The following CNTNAP2 variants were observed in gnomAD, a reference collection of about 807,000 sequenced individuals.
CNTNAP2 encodes contactin associated protein 2.
CNTNAP2 carries 98 observed loss-of-function variants against 155.2 expected under a neutral mutation model. That is an observed-to-expected ratio of 0.63 (90% CI 0.54 to 0.75). The LOEUF (loss-of-function observed/expected upper bound fraction) is 0.75. CNTNAP2 is among the 30% of genes least tolerant of loss of function. The pLI, the probability that CNTNAP2 is intolerant of heterozygous loss-of-function variation, is 0.00. For missense variants in CNTNAP2, 1,727 were observed against 1,688.1 expected, an observed-to-expected ratio of 1.02 and a Z score of -0.40; for synonymous variants, 651 against 631.2, an observed-to-expected ratio of 1.03 and a Z score of -0.47.
intron 9 of CNTNAP2, among the ~76,000 whole-genome samples, chr7:147,359,361 G>T (rs546192684): frequency 7.9e-5 from 12 of 152,112 alleles, no homozygotes; most frequent in Admixed American, 1.3e-4. Flanking sequence ...CGCTTTACTG[G>T]CTTATCACAG....
At chr7:146,426,404 T>C (rs200789041) in intron 1 of CNTNAP2, among the ~76,000 whole-genome samples, 40,961 of 136,964 alleles carry the variant, frequency 0.3, 5,960 homozygotes, top group Admixed American at 0.43. Context: ...TATATATATA[T>C]ATATACACAC....
intron 9 of CNTNAP2, among the ~76,000 whole-genome samples, chr7:147,393,773 C>G (rs780387753): frequency 3.3e-5 from 5 of 151,624 alleles, no homozygotes; most frequent in African/African-American, 4.8e-5. Context: ...TAGAGCCTTA[C>G]ATGGATTTTT....
chr7:148,176,410 G>T (rs1454300801), intron 18 of CNTNAP2, among the ~76,000 whole-genome samples: 2 of 151,480 alleles, frequency 1.3e-5, no homozygotes, highest in African/African-American at 4.8e-5. Context: ...TAGTACAGAC[G>T]GTTTCAACAT....
Position 148,267,023 on chromosome 7 carries a change from C to A in CNTNAP2, c.3382-10C>A. 1.2e-6 allele frequency: 2 copies of A among 1,613,520 alleles called. No homozygotes were observed. The highest frequency in any genetic ancestry group is 1.7e-6 in the Non-Finnish European group (2 of 1,179,458). Reference sequence around the variant, plus strand: ...TGCTTCTAAAAGTGTCTCTTGTTTTCCTCCTGCAGCTCGATCATTATCCTT... The same window carrying A: ...TGCTTCTAAAAGTGTCTCTTGTTTTACTCCTGCAGCTCGATCATTATCCTT... On this transcript the variant is annotated splice_polypyrimidine_tract_variant and intron_variant, in intron 20 of 23. Transcript: ENST00000361727.
intron 9 of CNTNAP2, among the ~76,000 whole-genome samples, chr7:147,375,748 A>G (rs1213110291): frequency 1.3e-5 from 2 of 152,064 alleles, no homozygotes; most frequent in African/African-American, 4.8e-5. Context: ...ATTATCTTTA[A>G]AAACTTCATT....
intron 5 of CNTNAP2, among the ~76,000 whole-genome samples, chr7:147,118,220 A>C (rs778202021): frequency 6.6e-6 from 1 of 152,162 alleles, no homozygotes; most frequent in Non-Finnish European, 1.5e-5. Flanking sequence ...CAAGTCAGAA[A>C]ATACTTTCAG....
chr7:146,877,846 T>C (rs1459348314), intron 3 of CNTNAP2, among the ~76,000 whole-genome samples: 3 of 152,090 alleles, frequency 2.0e-5, no homozygotes, highest in African/African-American at 7.2e-5. Flanking sequence ...CCGACCATGA[T>C]GACAAGTGAA....
At chr7:147,456,386 G>A (rs1265494078) in intron 10 of CNTNAP2, among the ~76,000 whole-genome samples, 2 of 152,156 alleles carry the variant, frequency 1.3e-5, no homozygotes, top group Non-Finnish European at 2.9e-5. Flanking sequence ...GAGAATTTAA[G>A]AAGATGGCAA....
At chr7:146,518,839 T>C (rs1797576806) in intron 1 of CNTNAP2, among the ~76,000 whole-genome samples, 1 of 151,878 alleles carries the variant, frequency 6.6e-6, no homozygotes, top group African/African-American at 2.4e-5. Context: ...TGCACAATTC[T>C]TGTTTATAAT....
At chr7:148,026,285 C>CA (rs908379084) in intron 15 of CNTNAP2, among the ~76,000 whole-genome samples, 50 of 151,398 alleles carry the variant, frequency 3.3e-4, no homozygotes, top group South Asian at 8.4e-4. Flanking sequence ...CTCGTCTCTA[C>CA]AAAAAAAAAA....
At chr7:147,734,761 A>G (rs1162176151) in intron 13 of CNTNAP2, among the ~76,000 whole-genome samples, 2 of 152,202 alleles carry the variant, frequency 1.3e-5, no homozygotes, top group Non-Finnish European at 2.9e-5. Flanking sequence ...GTATGTGTCC[A>G]GGAATTTATC....
chr7:146,214,931 TC>T lies in CNTNAP2; in HGVS notation c.97+97961del, dbSNP rs1015316572. ...TGCTTTTATGCACTGTCCCCTTACC[TC>T]CCTCGGCCCCCTGCTTTGCCAATCC... On this transcript the variant is annotated intron_variant, in intron 1 of 23. Transcript: ENST00000361727. Among the ~76,000 whole-genome samples the T allele has an allele frequency of 9.1e-4, 138 of 152,252 alleles. No individual in the cohort carries two copies. In the Middle Eastern group the frequency reaches 0.014, roughly 15 times the overall value.
intron 15 of CNTNAP2, among the ~76,000 whole-genome samples, chr7:148,036,219 A>G (rs562835341): frequency 1.2e-4 from 18 of 152,296 alleles, no homozygotes; most frequent in African/African-American, 4.1e-4. Flanking sequence ...TTTAGAGTCT[A>G]TTGAGATAGA....
intron 15 of CNTNAP2, among the ~76,000 whole-genome samples, chr7:148,022,475 AAAAAAAAAAG>A (rs1343967461): frequency 3.1e-5 from 4 of 127,742 alleles, no homozygotes; most frequent in Non-Finnish European, 6.7e-5. Context: ...TCTCAAAAAA[AAAAAAAAAAG>A]AAAAGAAAAG....
At chr7:146,446,466 T>G (rs1796403947) in intron 1 of CNTNAP2, among the ~76,000 whole-genome samples, 1 of 152,106 alleles carries the variant, frequency 6.6e-6, no homozygotes. Flanking sequence ...GACTAGCACT[T>G]TCTTCAGAAC....
intron 1 of CNTNAP2, among the ~76,000 whole-genome samples, chr7:146,675,531 A>G (rs766646395): frequency 4.6e-5 from 7 of 152,146 alleles, no homozygotes; most frequent in Non-Finnish European, 1.0e-4. Context: ...TGGTTTACTT[A>G]TAAGTCCTGA....
At chr7:147,593,212 A>ATT (rs201990418) in intron 12 of CNTNAP2, among the ~76,000 whole-genome samples, 68 of 141,088 alleles carry the variant, frequency 4.8e-4, no homozygotes, top group African/African-American at 1.7e-3. Flanking sequence ...ACCTTCCCTT[A>ATT]TTTTTTTTTT....
At chr7:147,015,794 C>T (rs1383569650) in intron 3 of CNTNAP2, among the ~76,000 whole-genome samples, 2 of 151,972 alleles carry the variant, frequency 1.3e-5, no homozygotes, top group East Asian at 1.9e-4. Context: ...TGTTCACATT[C>T]GTCACCATCA....
At chr7:148,302,465 C>G (rs1201918156) in intron 21 of CNTNAP2, among the ~76,000 whole-genome samples, 1 of 152,110 alleles carries the variant, frequency 6.6e-6, no homozygotes, top group Non-Finnish European at 1.5e-5. Flanking sequence ...CAAAGCTGCA[C>G]CCATTCCTCC....
Sources: gnomAD v4.1 joint callset for allele counts (sites outside exome capture counted in the v4.1 genomes callset) on GRCh38, gnomAD v4.1.1 for gene constraint, MANE v1.5 for transcripts, NCBI Gene and HGNC (gene_info 2026-07-23, HGNC 2026-07-21) for gene names.